PTPN13: variants seen among roughly 807,000 people sequenced by gnomAD.
PTPN13 encodes the protein tyrosine-protein phosphatase non-receptor type 13.
In PTPN13, 191 loss-of-function variants were observed where a neutral mutation model predicts 284.0. That is an observed-to-expected ratio of 0.67 (90% CI 0.60 to 0.76). The LOEUF (loss-of-function observed/expected upper bound fraction) is 0.76. PTPN13 is among the 30% of genes least tolerant of loss of function. The pLI, the probability that PTPN13 is intolerant of heterozygous loss-of-function variation, is 0.00. For missense variants in PTPN13, 2,797 were observed against 2,939.9 expected (o/e 0.95, Z 1.12); for synonymous variants, 986 against 1,022.3 (o/e 0.96, Z 0.68).
At chr4:86,809,405 G>T (rs1744980192) in intron 45 of PTPN13, among the ~76,000 whole-genome samples, 1 of 152,108 alleles carries the variant, frequency 6.6e-6, no homozygotes, top group South Asian at 2.1e-4. Context: ...ATAATATTAA[G>T]AATTAATTGT....
chr4:86,789,500 G>C (rs1742367567), intron 40 of PTPN13, among the ~76,000 whole-genome samples: 15 of 152,188 alleles, frequency 9.9e-5, no homozygotes, highest in African/African-American at 2.9e-4. Flanking sequence ...GAAGTTCTTA[G>C]TAAGTTTTTA....
chr4:86,638,888 C>T (rs1269330722), intron 2 of PTPN13, among the ~76,000 whole-genome samples: 6 of 152,154 alleles, frequency 3.9e-5, no homozygotes, highest in Admixed American at 3.9e-4. Context: ...TCAGGGTGAA[C>T]AGGCAACCTA....
At chr4:86,786,017 G>T in intron 40 of PTPN13, 81 bp downstream of exon 40, 1 of 702,866 alleles carries the variant, frequency 1.4e-6, no homozygotes, top group Non-Finnish European at 2.1e-6. Flanking sequence ...AATAATCAGA[G>T]ATTCTTTCCT....
At chr4:86,635,945 A>G (rs1001681236) in intron 2 of PTPN13, among the ~76,000 whole-genome samples, 1 of 152,166 alleles carries the variant, frequency 6.6e-6, no homozygotes, top group African/African-American at 2.4e-5. Context: ...CCTGGGTGAC[A>G]GAGTGAGACT....
intron 9 of PTPN13, among the ~76,000 whole-genome samples, chr4:86,721,081 T>C (rs1733601726): frequency 6.6e-6 from 1 of 152,016 alleles, no homozygotes; most frequent in African/African-American, 2.4e-5. Context: ...GTTTTTGTTT[T>C]TGATTTTTGT....
At chr4:86,624,070 T>C (rs1721564445) in intron 1 of PTPN13, among the ~76,000 whole-genome samples, 1 of 152,194 alleles carries the variant, frequency 6.6e-6, no homozygotes, top group African/African-American at 2.4e-5. Flanking sequence ...TATCAATGCA[T>C]AGCACATAAT....
intron 9 of PTPN13, among the ~76,000 whole-genome samples, chr4:86,718,583 T>C (rs1226623482): frequency 2.0e-5 from 3 of 152,062 alleles, no homozygotes; most frequent in Non-Finnish European, 4.4e-5. Context: ...CCCGAGTAGC[T>C]GGGATTGCAG....
At chr4:86,799,061 A>C (rs1265787810) in intron 41 of PTPN13, 40 bp from the exon 42 acceptor site, 3 of 1,272,780 alleles carry the variant, frequency 2.4e-6, no homozygotes, top group African/African-American at 1.5e-5. Context: ...TTTGAGTACA[A>C]AAATGAAGAA....
In PTPN13 at chr4:86,764,615, C is replaced by T; in HGVS notation, c.4040C>T (p.Thr1347Ile). The change falls in exon 25 of 48, where the codon ACA becomes ATA. Residue 1347 changes from threonine (T) to isoleucine (I), a missense_variant. By Grantham distance (89) the Thr-to-Ile change is moderately conservative. Coordinates refer to ENST00000411767, the MANE Select transcript of PTPN13 (RefSeq NM_080683.3). ...AAGGAATCTTCCTCTTCAGTGAATA[C>T]ATCCAACAAGATGAATTTTAAAACT... ...PKQESSSSVNTSNKMNFKTFS... is the reference protein window; with the variant it reads ...PKQESSSSVNISNKMNFKTFS... 6.5e-7 allele frequency: 1 copy of T among 1,541,160 alleles called. No individual in the cohort carries two copies.
At chr4:86,609,438 T>C (rs140943898) in intron 1 of PTPN13, among the ~76,000 whole-genome samples, 3 of 152,300 alleles carry the variant, frequency 2.0e-5, no homozygotes, top group African/African-American at 7.2e-5. Flanking sequence ...CCTGGGGTGC[T>C]TTTCTGTATC....
At chr4:86,664,997 G>A (rs139818973) in intron 2 of PTPN13, among the ~76,000 whole-genome samples, 1,648 of 151,972 alleles carry the variant, frequency 0.011, 10 homozygotes, top group Non-Finnish European at 0.013. Context: ...CTCTATCCAC[G>A]TTGTCCCATC....
rs534754796 is a variant in PTPN13, at chr4:86,694,088, CAT to C, written c.634+417_634+418del. On this transcript the variant is annotated intron_variant, in intron 6 of 47. Transcript: ENST00000411767. Reference sequence around the variant, plus strand: ...CTTACTGCACTCTGATATTTTTTATCATATTTCTTTTTTTTTTTAAATGCTAG... The same window carrying C: ...CTTACTGCACTCTGATATTTTTTATCATTTCTTTTTTTTTTTAAATGCTAG... Among the ~76,000 whole-genome samples, 194 of 150,914 alleles carry C rather than the reference CAT, an allele frequency of 1.3e-3. 2 individuals carry two copies. Among genetic ancestry groups the C allele is most frequent in the African/African-American group, 4.4e-3 (183 of 41,144 alleles).
intron 2 of PTPN13, among the ~76,000 whole-genome samples, chr4:86,653,471 C>A (rs1725337095): frequency 6.6e-6 from 1 of 151,434 alleles, no homozygotes; most frequent in Non-Finnish European, 1.5e-5. Flanking sequence ...TAGGGGGCGC[C>A]CTAAGCTCCG....
chr4:86,696,918 T>C (rs1730651642), intron 6 of PTPN13, among the ~76,000 whole-genome samples: 2 of 152,026 alleles, frequency 1.3e-5, no homozygotes, highest in Non-Finnish European at 2.9e-5. Flanking sequence ...TTCTTAACCA[T>C]CAGTGCTTTG....
chr4:86,803,110 TAAAATA>T (rs1744226315), intron 42 of PTPN13, among the ~76,000 whole-genome samples: 1 of 132,678 alleles, frequency 7.5e-6, no homozygotes, highest in African/African-American at 2.8e-5. Context: ...GTGTATAAAA[TAAAATA>T]AAGACCTTCT....
At chr4:86,770,317 T>C (rs1739841377) in intron 30 of PTPN13, 118 bp downstream of exon 30, 1 of 857,546 alleles carries the variant, frequency 1.2e-6, no homozygotes, top group Non-Finnish European at 1.9e-6. Context: ...TAGCTACTTG[T>C]TTTAGGTAGG....
intron 4 of PTPN13, among the ~76,000 whole-genome samples, chr4:86,687,593 A>G (rs1259155915): frequency 6.6e-6 from 1 of 152,194 alleles, no homozygotes; most frequent in Non-Finnish European, 1.5e-5. Context: ...CTTAAGATCC[A>G]TAAAAGATAA....
intron 28 of PTPN13, among the ~76,000 whole-genome samples, chr4:86,769,416 C>T (rs759572327): frequency 6.6e-6 from 1 of 152,120 alleles, no homozygotes; most frequent in African/African-American, 2.4e-5. Context: ...CCTCCTACTT[C>T]GGCCTCCCAA....
rs1738847725 is a variant in PTPN13 at position 86,762,793 on chromosome 4, A to C, written c.3620A>C (p.Gln1207Pro). The C allele has an allele frequency of 6.2e-7, 1 of 1,612,724 alleles. No individual in the cohort carries two copies. Among genetic ancestry groups the C allele is most frequent in the Non-Finnish European group, 8.5e-7 (1 of 1,178,830 alleles). Reference sequence around the variant, plus strand: ...TACATGAAGAAATCTTCCTACATGCAAGACAGTGCTATAGATTCTTCTTCC... The same window carrying C: ...TACATGAAGAAATCTTCCTACATGCCAGACAGTGCTATAGATTCTTCTTCC... The part of the protein sequence containing the change: ...KNYMKKSSYM[Q>P]DSAIDSSSKD... The change falls in exon 24 of 48, where the codon CAA becomes CCA. Residue 1207 changes from glutamine to proline, a missense_variant. Physicochemically the swap from Gln to Pro is moderately conservative, Grantham distance 76. Transcript: ENST00000411767.
Sources: allele counts gnomAD v4.1 joint callset (sites outside exome capture counted in the v4.1 genomes callset), GRCh38; gene constraint gnomAD v4.1.1; transcripts MANE v1.5; gene names NCBI Gene and HGNC (gene_info 2026-07-23, HGNC 2026-07-21).